The following SLC6A6 variants were observed in gnomAD, a reference collection of about 807,000 sequenced individuals.
SLC6A6 encodes the protein sodium- and chloride-dependent taurine transporter.
Under a neutral mutation model 68.8 loss-of-function variants are expected in SLC6A6, and 16 were observed. That is an observed-to-expected ratio of 0.23 (90% CI 0.16 to 0.35). SLC6A6 has a LOEUF of 0.35. Ranked by LOEUF, SLC6A6 falls within the 10% of genes least tolerant of loss-of-function variation. The pLI, the probability that SLC6A6 is intolerant of heterozygous loss-of-function variation, is 1.00. For missense variants in SLC6A6, 474 were observed against 802.8 expected (o/e 0.59, Z 4.95); for synonymous variants, 312 against 315.4 (o/e 0.99, Z 0.12).
chr3:14,482,508 T>C (rs1295821262), intron 14 of SLC6A6, among the ~76,000 whole-genome samples: 1 of 152,246 alleles, frequency 6.6e-6, no homozygotes, highest in South Asian at 2.1e-4. Flanking sequence ...AGAATCTCCC[T>C]TAACCTTTTG....
At chr3:14,409,306 A>G (rs933153687) in intron 1 of SLC6A6, among the ~76,000 whole-genome samples, 2 of 152,226 alleles carry the variant, frequency 1.3e-5, no homozygotes, top group Non-Finnish European at 2.9e-5. Context: ...AGCTCAGTAA[A>G]TGAAATACCC....
chr3:14,474,305 T>C (rs578021416), intron 10 of SLC6A6, among the ~76,000 whole-genome samples: 1 of 152,304 alleles, frequency 6.6e-6, no homozygotes, highest in East Asian at 1.9e-4. Context: ...ATCAGAGCCC[T>C]CTGCCGTAAG....
At chr3:14,438,637 T>G (rs1198726749) in intron 2 of SLC6A6, among the ~76,000 whole-genome samples, 1 of 152,194 alleles carries the variant, frequency 6.6e-6, no homozygotes, top group Non-Finnish European at 1.5e-5. Context: ...CTGATCAGTT[T>G]GCTTAACCAA....
chr3:14,449,566 C>A (rs549522431), intron 5 of SLC6A6, among the ~76,000 whole-genome samples: 1 of 152,302 alleles, frequency 6.6e-6, no homozygotes, highest in South Asian at 2.1e-4. Context: ...CATTGACTGG[C>A]CTGCCTGGGT....
chr3:14,437,890 C>T (rs921983434), intron 2 of SLC6A6, among the ~76,000 whole-genome samples: 6 of 151,580 alleles, frequency 4.0e-5, no homozygotes, highest in African/African-American at 1.2e-4. Context: ...TGCAGTGGTG[C>T]GATCTTGGCT....
chr3:14,468,849 T>G lies in SLC6A6; in HGVS notation c.1096+637T>G, dbSNP rs1700688107. Among the ~76,000 whole-genome samples, 1 of 152,150 alleles carries G rather than the reference T, an allele frequency of 6.6e-6. No homozygotes were observed. Among genetic ancestry groups the G allele is most frequent in the South Asian group, 2.1e-4 (1 of 4,824 alleles). On this transcript the variant is annotated intron_variant, in intron 9 of 14. Coordinates refer to ENST00000622186, the MANE Select transcript of SLC6A6 (RefSeq NM_003043.6). This position sits in a 1 kb window ranked among gnomAD's most constrained non-coding sequence, Gnocchi z 4.5. ...GGCCCTGTTGACCAGGCACTCTTCC[T>G]CGGGCTACCTGGAGTCACAGGCATG...
At chr3:14,447,929 A>C in intron 5 of SLC6A6, 113 bp downstream of exon 5, 1 of 1,503,164 alleles carries the variant, frequency 6.7e-7, no homozygotes, top group Non-Finnish European at 8.9e-7. Context: ...GGGGAGTGGG[A>C]GGAGGGTGCA....
At chr3:14,427,234 G>A (rs1472141506) in intron 2 of SLC6A6, among the ~76,000 whole-genome samples, 1 of 149,120 alleles carries the variant, frequency 6.7e-6, no homozygotes, top group African/African-American at 2.6e-5. Context: ...ATTAGCCCCA[G>A]CATGAGTAGA....
At chr3:14,419,438 A>C (rs543823242) in intron 2 of SLC6A6, among the ~76,000 whole-genome samples, 7 of 152,354 alleles carry the variant, frequency 4.6e-5, no homozygotes, top group Admixed American at 6.5e-5. Context: ...GTTGTTCAGC[A>C]GAGCCTGAAC....
At chr3:14,430,997 G>A (rs1699712482) in intron 2 of SLC6A6, among the ~76,000 whole-genome samples, 1 of 152,204 alleles carries the variant, frequency 6.6e-6, no homozygotes, top group Non-Finnish European at 1.5e-5. Context: ...TTTTGTGTGG[G>A]ATCCCAGGGC....
chr3:14,433,610 T>G (rs78373420), intron 2 of SLC6A6, among the ~76,000 whole-genome samples: 1 of 152,010 alleles, frequency 6.6e-6, no homozygotes, highest in Admixed American at 6.6e-5. Context: ...GAGACTAGCC[T>G]GGCCAACATG....
At chr3:14,421,641 A>G (rs1054887024) in intron 2 of SLC6A6, among the ~76,000 whole-genome samples, 2 of 152,224 alleles carry the variant, frequency 1.3e-5, no homozygotes, top group Non-Finnish European at 2.9e-5. Context: ...ATGCATAGTA[A>G]TCGCATCTGC....
intron 6 of SLC6A6, among the ~76,000 whole-genome samples, chr3:14,463,169 G>C (rs937808612): frequency 6.6e-6 from 1 of 152,178 alleles, no homozygotes; most frequent in African/African-American, 2.4e-5. Flanking sequence ...AAGGTGTGGG[G>C]ACCTGACACC....
Position 14,456,223 on chromosome 3 carries a change from CCAT to C in SLC6A6, c.600-1724_600-1722del, listed in dbSNP as rs528395196. Among the ~76,000 whole-genome samples, 204 of 152,360 alleles carry C rather than the reference CCAT, an allele frequency of 1.3e-3. 1 individual carries two copies. Among genetic ancestry groups the C allele is most frequent in the African/African-American group, 4.5e-3 (189 of 41,590 alleles). On this transcript the variant is annotated intron_variant, in intron 5 of 14. Coordinates refer to ENST00000622186, the MANE Select transcript of SLC6A6 (RefSeq NM_003043.6). ...TGGTTGCTGGTAGCTTTTATTTCGT[CCAT>C]CAGCATTATCATGTTGACATCCCTG... is the stretch of plus-strand genomic sequence containing the variant.
intron 2 of SLC6A6, 64 bp from the exon 3 acceptor site, chr3:14,443,560 T>C: frequency 8.7e-7 from 1 of 1,145,132 alleles, no homozygotes; most frequent in Non-Finnish European, 1.3e-6. Context: ...AAGCAGAGAT[T>C]GTGTCTGAGA....
At chr3:14,419,032 G>C (rs191152458) in intron 2 of SLC6A6, among the ~76,000 whole-genome samples, 1 of 152,360 alleles carries the variant, frequency 6.6e-6, no homozygotes, top group East Asian at 1.9e-4. Context: ...TGTGAGTTCT[G>C]CTTCCAGATA....
At chr3:14,464,296 T>C (rs1306556885) in intron 6 of SLC6A6, among the ~76,000 whole-genome samples, 1 of 152,174 alleles carries the variant, frequency 6.6e-6, no homozygotes, top group East Asian at 1.9e-4. Flanking sequence ...CTGCTATGTG[T>C]GGGCTGTGGG....
intron 2 of SLC6A6, among the ~76,000 whole-genome samples, chr3:14,417,962 C>T: frequency 6.6e-6 from 1 of 152,162 alleles, no homozygotes; most frequent in East Asian, 1.9e-4. Flanking sequence ...TAAGACATTG[C>T]CTGCTCTAGG....
At chr3:14,444,751 T>A (rs1393102952) in intron 3 of SLC6A6, 1 of 456,582 alleles carries the variant, frequency 2.2e-6, no homozygotes, top group Non-Finnish European at 4.4e-6. Flanking sequence ...TCAGGCCCCT[T>A]TGGGACTGTG....
Sources: gnomAD v4.1 joint callset for allele counts (sites outside exome capture counted in the v4.1 genomes callset) on GRCh38, gnomAD v4.1.1 for gene constraint, Gnocchi (gnomAD v3.1) non-coding constraint, MANE v1.5 for transcripts, NCBI Gene and HGNC (gene_info 2026-07-23, HGNC 2026-07-21) for gene names.